PDE3A: variants seen among roughly 807,000 people sequenced by gnomAD.
PDE3A encodes the protein phosphodiesterase 3A, also known as cGMP-inhibited 3',5'-cyclic phosphodiesterase 3A.
PDE3A carries 43 observed loss-of-function variants against 98.3 expected under a neutral mutation model. The ratio of observed to expected loss-of-function variants is 0.44; its 90% CI spans 0.34 to 0.56. The LOEUF (loss-of-function observed/expected upper bound fraction) is 0.56, where lower values mean the gene tolerates loss of function less well. Ranked by LOEUF, PDE3A falls within the 20% of genes least tolerant of loss-of-function variation. The pLI is 0.01. For synonymous variants in PDE3A, 663 were observed against 567.9 expected (o/e 1.17, Z -2.38); for missense variants, 1,427 against 1,440.7 (o/e 0.99, Z 0.15).
chr12:20,533,084 A>G (rs1041824841), intron 1 of PDE3A, among the ~76,000 whole-genome samples: 1 of 152,212 alleles, frequency 6.6e-6, no homozygotes, highest in Non-Finnish European at 1.5e-5. Context: ...TAGTAATAAT[A>G]ATTTGGAACT....
chr12:20,542,499 T>A (rs138816161), intron 1 of PDE3A, among the ~76,000 whole-genome samples: 1 of 151,764 alleles, frequency 6.6e-6, no homozygotes, highest in Admixed American at 6.6e-5. Context: ...CTTGGACTTA[T>A]ATATTTTAGG....
intron 1 of PDE3A, among the ~76,000 whole-genome samples, chr12:20,443,884 C>A (rs965544646): frequency 2.6e-5 from 4 of 152,114 alleles, no homozygotes; most frequent in African/African-American, 7.2e-5. Context: ...CTTCAATAAC[C>A]TATTGAAAGC....
intron 2 of PDE3A, among the ~76,000 whole-genome samples, chr12:20,599,028 C>A (rs1226425275): frequency 4.6e-5 from 7 of 152,154 alleles, no homozygotes; most frequent in Admixed American, 3.9e-4. Context: ...AATTAGAAAT[C>A]TTTGTCTTTC....
At chr12:20,656,828 G>A (rs116339926) in intron 15 of PDE3A, among the ~76,000 whole-genome samples, 1,804 of 152,256 alleles carry the variant, frequency 0.012, 41 homozygotes, top group African/African-American at 0.042. Context: ...TCCAGGCATT[G>A]GGAATTGAAG....
chr12:20,553,067 A>T lies in PDE3A; in HGVS notation c.961-3593A>T, dbSNP rs547390851. 4.6e-4 allele frequency: 482 copies of T among 1,039,454 alleles called. 2 individuals are homozygous for T. The African/African-American group carries it at 6.7e-3, about 15-fold the overall frequency. The allele number at this position is 1,039,454 out of a possible 1,614,324, so 64.4% of individuals were successfully genotyped here. ...TGAAAACGTGTCGGAGGGCTCGTTC[A>T]TCGGCACTGATTTTGTTCTTAGTGG... On this transcript the variant is annotated intron_variant, in intron 1 of 15. Coordinates refer to ENST00000359062, the MANE Select transcript of PDE3A (RefSeq NM_000921.5).
chr12:20,647,621 A>G (rs1194970804), intron 12 of PDE3A, among the ~76,000 whole-genome samples: 1 of 152,080 alleles, frequency 6.6e-6, no homozygotes, highest in Non-Finnish European at 1.5e-5. Context: ...CTGTTCTTCT[A>G]CAAGATCTAG....
intron 1 of PDE3A, among the ~76,000 whole-genome samples, chr12:20,397,074 T>A (rs1944032952): frequency 6.6e-6 from 1 of 152,132 alleles, no homozygotes; most frequent in Admixed American, 6.6e-5. Context: ...ATTATAAAGA[T>A]GCTAATAATA....
At chr12:20,661,677 A>G (rs1365214825) in intron 15 of PDE3A, among the ~76,000 whole-genome samples, 2 of 152,154 alleles carry the variant, frequency 1.3e-5, no homozygotes, top group East Asian at 3.9e-4. Flanking sequence ...GGCACCTTCC[A>G]TGTGGTGTTG....
At chr12:20,450,081 G>A (rs1287196742) in intron 1 of PDE3A, 2 of 557,670 alleles carry the variant, frequency 3.6e-6, no homozygotes, top group Non-Finnish European at 6.6e-6. Context: ...TCAGCCTTCT[G>A]CTGGTGCCGT....
chr12:20,673,906 T>G (rs1003235172), intron 15 of PDE3A, among the ~76,000 whole-genome samples: 1 of 151,920 alleles, frequency 6.6e-6, no homozygotes, highest in Non-Finnish European at 1.5e-5. Context: ...ATCCATACAT[T>G]GCTTGGGTAG....
At position 20,648,904 on chromosome 12, in the gene PDE3A, G is replaced by C; in HGVS notation, c.2769+13G>C. 7.4e-7 allele frequency: 1 copy of C among 1,351,398 alleles called. No individual in the cohort carries two copies. 83.7% of individuals were successfully genotyped at this position (1,351,398 alleles called of 1,614,324 possible). On this transcript the variant is annotated intron_variant, in intron 13 of 15. Coordinates refer to ENST00000359062, the MANE Select transcript of PDE3A (RefSeq NM_000921.5). The stretch of plus-strand genomic sequence containing the variant: ...ATTTAATGGCAAGGTAAATAGAGCT[G>C]TACCCAGTTTTCTTTTCTTTTTCTT...
chr12:20,440,278 G>T (rs998582286), intron 1 of PDE3A, among the ~76,000 whole-genome samples: 19 of 152,106 alleles, frequency 1.2e-4, no homozygotes, highest in African/African-American at 4.6e-4. Flanking sequence ...AAATTTTAAC[G>T]TAATTATAAG....
intron 1 of PDE3A, among the ~76,000 whole-genome samples, chr12:20,507,906 C>G (rs979792368): frequency 6.6e-6 from 1 of 152,060 alleles, no homozygotes; most frequent in Non-Finnish European, 1.5e-5. Context: ...ACTGTGTATT[C>G]ACAACATAAA....
intron 1 of PDE3A, among the ~76,000 whole-genome samples, chr12:20,472,501 A>G (rs1302532892): frequency 6.6e-6 from 1 of 152,172 alleles, no homozygotes; most frequent in Non-Finnish European, 1.5e-5. Flanking sequence ...GCAACTATTT[A>G]GTTGGATGTA....
intron 1 of PDE3A, among the ~76,000 whole-genome samples, chr12:20,530,040 T>C (rs1256605378): frequency 6.6e-6 from 1 of 152,230 alleles, no homozygotes; most frequent in Non-Finnish European, 1.5e-5. Context: ...ATCTTTTTAC[T>C]GACTTATTTC....
At chr12:20,646,670 T>G in intron 11 of PDE3A, 67 bp downstream of exon 11, 1 of 1,442,576 alleles carries the variant, frequency 6.9e-7, no homozygotes, top group South Asian at 1.2e-5. Context: ...GTTTTTGTTT[T>G]TTTTCAAAAA....
chr12:20,677,002 T>C (rs1272676274), intron 15 of PDE3A, among the ~76,000 whole-genome samples: 1 of 152,228 alleles, frequency 6.6e-6, no homozygotes, highest in Non-Finnish European at 1.5e-5. Flanking sequence ...AAAATTCAAA[T>C]ATGTCATGCA....
chr12:20,556,424 G>C (rs1253318749), intron 1 of PDE3A, among the ~76,000 whole-genome samples: 5 of 152,074 alleles, frequency 3.3e-5, no homozygotes, highest in Non-Finnish European at 5.9e-5. Flanking sequence ...GAGCTACACA[G>C]TAGCTTCTTT....
intron 6 of PDE3A, among the ~76,000 whole-genome samples, chr12:20,630,767 G>T (rs1341684669): frequency 1.3e-5 from 2 of 152,054 alleles, no homozygotes; most frequent in Non-Finnish European, 2.9e-5. Flanking sequence ...CTTCTTACTG[G>T]TTAATGTATT....
Sources: allele counts gnomAD v4.1 joint callset (sites outside exome capture counted in the v4.1 genomes callset), GRCh38; gene constraint gnomAD v4.1.1; transcripts MANE v1.5; gene names NCBI Gene and HGNC (gene_info 2026-07-23, HGNC 2026-07-21).